Variants in PCNX4 observed in about 807,000 individuals in gnomAD.
PCNX4 encodes the protein pecanex 4, also known as pecanex-like protein 4.
In PCNX4, 103 loss-of-function variants were observed where a neutral mutation model predicts 107.2. The ratio of observed to expected loss-of-function variants is 0.96; its 90% CI spans 0.82 to 1.13. PCNX4 has a LOEUF of 1.13. PCNX4 is among the 50% of genes most tolerant of loss of function. The pLI, the probability that PCNX4 is intolerant of heterozygous loss-of-function variation, is 0.00. For synonymous variants in PCNX4, 541 were observed against 481.7 expected, an observed-to-expected ratio of 1.12 and a Z score of -1.61; for missense variants, 1,528 against 1,379.4, an observed-to-expected ratio of 1.11 and a Z score of -1.71.
At chr14:60,115,565 A>C in intron 4 of PCNX4, 104 bp downstream of exon 4, 1 of 1,414,412 alleles carries the variant, frequency 7.1e-7, no homozygotes, top group Non-Finnish European at 9.5e-7. Flanking sequence ...ACCATATACA[A>C]GTGTTTGTTC....
intron 10 of PCNX4, among the ~76,000 whole-genome samples, chr14:60,131,321 A>T (rs570404241): frequency 6.6e-6 from 1 of 152,244 alleles, no homozygotes; most frequent in Non-Finnish European, 1.5e-5. Context: ...TAGAATATCT[A>T]AGGAATCAAC....
In PCNX4 at chr14:60,125,666, C is replaced by A; in HGVS notation, c.3110C>A (p.Ala1037Glu). Residue 1037 changes from alanine to glutamate, a missense_variant, in exon 10 of 11, where the codon GCA becomes GAA. Transcript: ENST00000406854. Reference protein sequence around the residue: ...RYTLKLMIDKASLGPIEDFRE... With the variant: ...RYTLKLMIDKESLGPIEDFRE... Reference sequence around the variant, plus strand: ...ACTCTGAAACTAATGATTGATAAAGCAAGTTTAGGTCCAATAGAAGACTTT... The same window carrying A: ...ACTCTGAAACTAATGATTGATAAAGAAAGTTTAGGTCCAATAGAAGACTTT... The A allele has an allele frequency of 1.3e-6, 2 of 1,549,686 alleles. No homozygotes were observed. Among genetic ancestry groups the A allele is most frequent in the Non-Finnish European group, 1.7e-6 (2 of 1,150,936 alleles).
Position 60,147,523 on chromosome 14 carries a change from A to G in PCNX4, c.*13302A>G, listed in dbSNP as rs1896439104. On this transcript the variant is annotated 3_prime_UTR_variant, in exon 11 of 11. Coordinates refer to ENST00000406854, the MANE Select transcript of PCNX4 (RefSeq NM_001330177.2). ...TAATTTTTATGTGTCAATTATAAAG[A>G]AAATCTTTGATCATTAAGGAAGCTG... 6.6e-6 allele frequency: 1 copy of G among 152,202 alleles called. No homozygotes were observed. Among genetic ancestry groups the G allele is most frequent in the African/African-American group, 2.4e-5 (1 of 41,462 alleles). The allele number at this position is 152,202 out of a possible 1,614,324, so 9.4% of individuals were successfully genotyped here. A position where few individuals can be genotyped will look rare whatever the true frequency, so the allele number is the denominator to read the frequency against.
At position 60,147,185 on chromosome 14, in the gene PCNX4, A is replaced by T. The variant is rs1244250442; in HGVS notation, c.*12964A>T. On this transcript the variant is annotated 3_prime_UTR_variant, in exon 11 of 11. Transcript: ENST00000406854. Reference sequence around the variant, plus strand: ...GAGGTAGAGATGGGAGTGAGCCATGATCACGCCACTGCAGACTCCAGCCTG... The same window carrying T: ...GAGGTAGAGATGGGAGTGAGCCATGTTCACGCCACTGCAGACTCCAGCCTG... 2 of 152,154 alleles carry T rather than the reference A, an allele frequency of 1.3e-5. No homozygotes were observed. Among genetic ancestry groups the T allele is most frequent in the Admixed American group, 6.5e-5 (1 of 15,270 alleles). 9.4% of individuals were successfully genotyped at this position (152,154 alleles called of 1,614,324 possible).
chr14:60,099,278 T>C (rs1895486273), intron 1 of PCNX4, among the ~76,000 whole-genome samples: 1 of 152,222 alleles, frequency 6.6e-6, no homozygotes, highest in Admixed American at 6.5e-5. Context: ...TTACTAAATT[T>C]GGTAATGCTT....
chr14:60,126,954 C>G (rs1001809132), intron 10 of PCNX4, among the ~76,000 whole-genome samples: 3 of 152,148 alleles, frequency 2.0e-5, no homozygotes, highest in Non-Finnish European at 4.4e-5. Context: ...AAGTGTCGCT[C>G]AAGAGAGAAG....
chr14:60,110,762 A>C (rs1312460330), intron 2 of PCNX4: 1 of 167,138 alleles, frequency 6.0e-6, no homozygotes, highest in African/African-American at 2.4e-5. Context: ...ATGAGTGAAG[A>C]CTTTGGGGGA....
In PCNX4 at chr14:60,134,671, ATAATT is replaced by A. The variant is rs1168401924; in HGVS notation, c.*453_*457del. 6.5e-6 allele frequency: 1 copy of A among 152,778 alleles called. No individual in the cohort carries two copies. The highest frequency in any genetic ancestry group is 1.9e-4 in the East Asian group (1 of 5,210). The allele number at this position is 152,778 out of a possible 1,614,324, so 9.5% of individuals were successfully genotyped here. A position where few individuals can be genotyped will look rare whatever the true frequency, so the allele number is the denominator to read the frequency against. Reference sequence around the variant, plus strand: ...TAATGTGTATATATTTGTTTGAAATATAATTTATAGTATTTTCAAATGTGCTGATT... The same window carrying A: ...TAATGTGTATATATTTGTTTGAAATATATAGTATTTTCAAATGTGCTGATT... On this transcript the variant is annotated 3_prime_UTR_variant, in exon 11 of 11. Transcript: ENST00000406854.
chr14:60,121,035 G>GAT, intron 7 of PCNX4, among the ~76,000 whole-genome samples, 161 bp from the exon 8 acceptor site: 1 of 152,104 alleles, frequency 6.6e-6, no homozygotes, highest in East Asian at 1.9e-4. Context: ...AATGCCTCCT[G>GAT]ATACACATGA....
chr14:60,121,750 C>T (rs1457421934), intron 8 of PCNX4, among the ~76,000 whole-genome samples: 1 of 152,098 alleles, frequency 6.6e-6, no homozygotes, highest in Non-Finnish European at 1.5e-5. Flanking sequence ...TTCTTTCATT[C>T]TATCTTCAAC....
chr14:60,113,004 A>G (rs1322949941), intron 2 of PCNX4, among the ~76,000 whole-genome samples: 1 of 152,170 alleles, frequency 6.6e-6, no homozygotes, highest in Non-Finnish European at 1.5e-5. Context: ...CAACATGGTG[A>G]AACCCTGTCT....
intron 1 of PCNX4, 81 bp from the exon 2 acceptor site, chr14:60,107,505 G>A (rs1301557249): frequency 2.7e-6 from 2 of 753,786 alleles, no homozygotes; most frequent in Non-Finnish European, 4.2e-6. Context: ...GTGAGGAGAT[G>A]AAATAGTAAT....
rs1895810964 is a variant in PCNX4, at chr14:60,114,833, G to A, written c.823G>A (p.Val275Ile). The A allele has an allele frequency of 1.2e-6, 2 of 1,613,590 alleles. No homozygotes were observed. The highest frequency in any genetic ancestry group is 2.7e-5 in the African/African-American group (2 of 74,992). ...DALLLWAMEQ[V>I]LEFGLGGSSM... ...ACTTCTCTTATGGGCAATGGAGCAG[G>A]TTTTAGAGTTCGGCCTTGGAGGCTC... Residue 275 changes from valine (V) to isoleucine (I), a missense_variant, in exon 3 of 11, where the codon GTT (valine) becomes ATT (isoleucine). By Grantham distance (29) the Val-to-Ile change is conservative (BLOSUM62 3). Transcript: ENST00000406854.
intron 1 of PCNX4, among the ~76,000 whole-genome samples, chr14:60,095,256 A>G (rs219299): frequency 0.75 from 113,936 of 152,066 alleles, 44,776 homozygotes; most frequent in Non-Finnish European, 0.87. Flanking sequence ...CATTTTTTAC[A>G]TAAGATGACA....
chr14:60,114,579 T>G (rs918637901), intron 2 of PCNX4, 121 bp from the exon 3 acceptor site: 2 of 702,188 alleles, frequency 2.8e-6, no homozygotes, highest in Non-Finnish European at 4.4e-6. Context: ...TTTTCTGTGG[T>G]GTGTGTGTGT....
Position 60,111,484 on chromosome 14 carries a change from G to C in PCNX4, c.689+3157G>C, listed in dbSNP as rs561976470. Among the ~76,000 whole-genome samples the C allele has an allele frequency of 3.3e-5, 5 of 152,214 alleles. No homozygotes were observed. The East Asian group carries it at 9.6e-4, about 29-fold the overall frequency. ...ATTTTGAAAAGTTAGCATTAAAATT[G>C]AGTTTAAATGTGTGTATACACATGA... On this transcript the variant is annotated intron_variant, in intron 2 of 10. Transcript: ENST00000406854.
At position 60,118,335 on chromosome 14, in the gene PCNX4, A is replaced by G. The variant is rs1379517692; in HGVS notation, c.1585A>G (p.Ile529Val). 6.2e-7 allele frequency: 1 copy of G among 1,608,090 alleles called. No homozygotes were observed. The highest frequency in any genetic ancestry group is 8.5e-7 in the Non-Finnish European group (1 of 1,176,326). ...DTGLRLLLVG[I>V]IRDRLIQFIS... ...AATTTTTACATTTCTACAGGTTGGT[A>G]TCATACGTGATCGTTTGATTCAGTT... The change falls in exon 7 of 11, where the codon ATC becomes GTC. Residue 529 changes from isoleucine to valine, a missense_variant. Ile to Val is a conservative substitution (Grantham distance 29). Coordinates refer to ENST00000406854, the MANE Select transcript of PCNX4 (RefSeq NM_001330177.2).
In PCNX4 at chr14:60,091,942, G is replaced by A. The variant is rs923500627; in HGVS notation, c.-531G>A. The A allele has an allele frequency of 3.9e-5, 6 of 152,400 alleles. No homozygotes were observed. Among genetic ancestry groups the A allele is most frequent in the Admixed American group, 1.3e-4 (2 of 15,290 alleles). 9.4% of individuals were successfully genotyped at this position (152,400 alleles called of 1,614,324 possible). A position where few individuals can be genotyped will look rare whatever the true frequency, so the allele number is the denominator to read the frequency against. ...GCTCTTGCGTAAAGGCCCGGCCCAA[G>A]GGAACGTTCAGGGCGTCTCGGCTTT... On this transcript the variant is annotated 5_prime_UTR_variant, in exon 1 of 11. Coordinates refer to ENST00000406854, the MANE Select transcript of PCNX4 (RefSeq NM_001330177.2).
chr14:60,109,591 CCA>C (rs563697960), intron 2 of PCNX4: 17 of 157,870 alleles, frequency 1.1e-4, no homozygotes, highest in African/African-American at 3.6e-4. Context: ...CAGACATGCG[CCA>C]CCATGCCCGG....
Sources: allele counts gnomAD v4.1 joint callset (sites outside exome capture counted in the v4.1 genomes callset), GRCh38; gene constraint gnomAD v4.1.1; transcripts MANE v1.5; gene names NCBI Gene and HGNC (gene_info 2026-07-23, HGNC 2026-07-21).